Variants in ASTN2 observed in about 807,000 individuals in gnomAD.
ASTN2 encodes the protein astrotactin-2.
In ASTN2, 54 loss-of-function variants were observed where a neutral mutation model predicts 139.8. The observed-to-expected ratio is 0.39, with a 90% confidence interval of 0.31 to 0.48. The LOEUF is 0.48. Among genes scored for constraint, ASTN2 ranks in the 20% least tolerant of loss-of-function variants. The pLI is 0.95. For missense variants in ASTN2, 1,565 were observed against 1,725.1 expected (o/e 0.91, Z 1.64); for synonymous variants, 756 against 719.5 (o/e 1.05, Z -0.81).
At chr9:117,301,093 G>T (rs1177874876) in intron 1 of ASTN2, among the ~76,000 whole-genome samples, 1 of 152,178 alleles carries the variant, frequency 6.6e-6, no homozygotes, top group Non-Finnish European at 1.5e-5. Flanking sequence ...TTTCAGATTA[G>T]ATTTGGAAAT....
chr9:117,280,829 G>A (rs1834307284), intron 2 of ASTN2, among the ~76,000 whole-genome samples: 1 of 152,006 alleles, frequency 6.6e-6, no homozygotes, highest in South Asian at 2.1e-4. Flanking sequence ...ATGTCTTGGG[G>A]GGAGACACTT....
At chr9:117,118,135 C>T (rs971248908) in intron 4 of ASTN2, among the ~76,000 whole-genome samples, 5 of 152,064 alleles carry the variant, frequency 3.3e-5, no homozygotes, top group South Asian at 2.1e-4. Context: ...TGTTGTCATG[C>T]GGGTTTAAGT....
chr9:117,241,914 C>G (rs925582962), intron 2 of ASTN2, among the ~76,000 whole-genome samples: 7 of 148,036 alleles, frequency 4.7e-5, no homozygotes, highest in Non-Finnish European at 8.9e-5. Flanking sequence ...CTGAGTAGAA[C>G]GTGCAAGTTA....
At chr9:117,355,339 C>T (rs1829510250) in intron 1 of ASTN2, among the ~76,000 whole-genome samples, 1 of 152,140 alleles carries the variant, frequency 6.6e-6, no homozygotes. Flanking sequence ...CAAGTGAGGA[C>T]AAAAATAATA....
At chr9:116,682,504 G>C (rs147672709) in intron 16 of ASTN2, among the ~76,000 whole-genome samples, 2,366 of 152,230 alleles carry the variant, frequency 0.016, 65 homozygotes, top group African/African-American at 0.055. Flanking sequence ...AATACCATTT[G>C]ACCCAGCCAT....
intron 10 of ASTN2, among the ~76,000 whole-genome samples, chr9:116,911,706 C>G (rs149507540): frequency 5.9e-5 from 9 of 152,256 alleles, no homozygotes; most frequent in Admixed American, 4.6e-4. Flanking sequence ...AGATCGAGAA[C>G]ATCCTGGCTA....
chr9:117,018,813 T>TA (rs1234253631), intron 6 of ASTN2, among the ~76,000 whole-genome samples: 1 of 152,042 alleles, frequency 6.6e-6, no homozygotes, highest in Non-Finnish European at 1.5e-5. Flanking sequence ...AAAATGGGAT[T>TA]TTTTTTTACT....
At chr9:116,592,352 T>TACAAGATGAA (rs1854411086) in intron 19 of ASTN2, among the ~76,000 whole-genome samples, 1 of 152,026 alleles carries the variant, frequency 6.6e-6, no homozygotes, top group Non-Finnish European at 1.5e-5. Context: ...CTTACATGGT[T>TACAAGATGAA]GGAGCAGGAG....
intron 10 of ASTN2, among the ~76,000 whole-genome samples, chr9:116,921,586 TAAAAA>T (rs11371651): frequency 8.9e-6 from 1 of 112,960 alleles, no homozygotes. Flanking sequence ...AGACTCCGTC[TAAAAA>T]AAAAAAAAAA....
intron 13 of ASTN2, among the ~76,000 whole-genome samples, chr9:116,796,403 G>A (rs1157516346): frequency 2.6e-5 from 4 of 152,132 alleles, no homozygotes; most frequent in Admixed American, 6.5e-5. Flanking sequence ...GCAGCCCCAC[G>A]TGATTCTTAT....
intron 7 of ASTN2, among the ~76,000 whole-genome samples, chr9:117,006,129 G>GTTCCCATTTT (rs1837347372): frequency 6.6e-6 from 1 of 152,112 alleles, no homozygotes; most frequent in Non-Finnish European, 1.5e-5. Context: ...ATCCCATGAA[G>GTTCCCATTTT]GGCACACTGT....
chr9:116,611,528 A>C (rs1282104260), intron 19 of ASTN2: 2 of 152,170 alleles, frequency 1.3e-5, no homozygotes, highest in Non-Finnish European at 2.9e-5. Context: ...ATCTAGAAAA[A>C]AAACAGAGGA....
intron 11 of ASTN2, among the ~76,000 whole-genome samples, chr9:116,831,075 A>C (rs1831799874): frequency 6.6e-6 from 1 of 152,180 alleles, no homozygotes; most frequent in African/African-American, 2.4e-5. Flanking sequence ...CTTTATCATA[A>C]GTTAAATAAC....
intron 3 of ASTN2, among the ~76,000 whole-genome samples, chr9:117,170,097 T>A (rs1055383306): frequency 2.0e-5 from 3 of 152,060 alleles, no homozygotes; most frequent in African/African-American, 7.2e-5. Flanking sequence ...AATATGAAAA[T>A]TCATGTGAAC....
intron 2 of ASTN2, among the ~76,000 whole-genome samples, chr9:117,281,778 C>A (rs988515419): frequency 2.0e-5 from 3 of 152,098 alleles, no homozygotes; most frequent in Non-Finnish European, 4.4e-5. Context: ...TCCCAGACTC[C>A]CTGTTGCAAT....
chr9:117,147,164 A>T (rs1482937613), intron 3 of ASTN2, among the ~76,000 whole-genome samples: 1 of 152,166 alleles, frequency 6.6e-6, no homozygotes, highest in Admixed American at 6.5e-5. Flanking sequence ...CCTGGAGAAG[A>T]GGCACTACAC....
Position 117,364,950 on chromosome 9 carries a change from AACACACACACACAC to A in ASTN2, c.442+49533_442+49546del, listed in dbSNP as rs71379275. Among the ~76,000 whole-genome samples, 1,157 of 121,536 alleles carry A rather than the reference AACACACACACACAC, an allele frequency of 9.5e-3. 6 individuals carry two copies. The highest frequency in any genetic ancestry group is 0.024 in the South Asian group (83 of 3,416). 79.7% of individuals were successfully genotyped at this position (121,536 alleles called of 152,430 possible). On this transcript the variant is annotated intron_variant, in intron 1 of 22. Coordinates refer to ENST00000313400, the MANE Select transcript of ASTN2 (RefSeq NM_001365068.1). Reference sequence around the variant, plus strand: ...CAACATAGTGAGACTCCATCTCTACAACACACACACACACACACACACACACACACACACACACA... The same window carrying A: ...CAACATAGTGAGACTCCATCTCTACAACACACACACACACACACACACACA...
At chr9:116,654,452 G>A (rs803915) in intron 16 of ASTN2, among the ~76,000 whole-genome samples, 79,645 of 152,054 alleles carry the variant, frequency 0.52, 22,017 homozygotes, top group East Asian at 0.87. Context: ...GATGGATTAA[G>A]TAATGTAAAA....
chr9:116,729,153 A>C, intron 14 of ASTN2, 57 bp from the exon 15 acceptor site: 2 of 1,307,044 alleles, frequency 1.5e-6, no homozygotes, highest in Non-Finnish European at 2.2e-6. Context: ...TTCACACCAC[A>C]TTGTTCACCC....
Sources: allele counts gnomAD v4.1 joint callset (sites outside exome capture counted in the v4.1 genomes callset), GRCh38; gene constraint gnomAD v4.1.1; transcripts MANE v1.5; gene names NCBI Gene and HGNC (gene_info 2026-07-23, HGNC 2026-07-21).